The following TMTC2 variants were observed in gnomAD, a reference collection of about 807,000 sequenced individuals.
TMTC2 encodes the protein protein O-mannosyl-transferase TMTC2.
TMTC2 carries 43 observed loss-of-function variants against 82.4 expected under a neutral mutation model. The observed-to-expected ratio is 0.52, with a 90% CI of 0.41 to 0.67. The LOEUF is 0.67. Among genes scored for constraint, TMTC2 ranks in the 30% least tolerant of loss-of-function variants. The pLI is 0.00. For synonymous variants in TMTC2, 408 were observed against 381.9 expected (o/e 1.07, Z -0.80); for missense variants, 919 against 1,012.4 (o/e 0.91, Z 1.25).
chr12:82,937,304 C>A (rs895232327), intron 4 of TMTC2, among the ~76,000 whole-genome samples: 1 of 152,034 alleles, frequency 6.6e-6, no homozygotes, highest in Non-Finnish European at 1.5e-5. Flanking sequence ...GGTTTCTTGG[C>A]AATCTTTAGC....
At chr12:83,063,272 A>G (rs1882806213) in intron 11 of TMTC2, among the ~76,000 whole-genome samples, 1 of 140,828 alleles carries the variant, frequency 7.1e-6, no homozygotes, top group South Asian at 2.4e-4. Context: ...AAGTTATAAA[A>G]TAACCCTCCT....
intron 1 of TMTC2, among the ~76,000 whole-genome samples, chr12:82,786,813 G>A (rs1878199710): frequency 6.6e-6 from 1 of 152,102 alleles, no homozygotes; most frequent in Non-Finnish European, 1.5e-5. Context: ...ACCACTCCAT[G>A]TACTAGGGAT....
chr12:82,725,846 G>A (rs1037839910), intron 1 of TMTC2, among the ~76,000 whole-genome samples: 6 of 152,188 alleles, frequency 3.9e-5, no homozygotes, highest in Admixed American at 3.9e-4. Context: ...GAAAGGAAAT[G>A]TTCGGATTAA....
At chr12:83,048,426 C>G (rs987659504) in intron 9 of TMTC2, among the ~76,000 whole-genome samples, 10 of 151,372 alleles carry the variant, frequency 6.6e-5, no homozygotes, top group Non-Finnish European at 1.0e-4. Flanking sequence ...ATTTTCTAAC[C>G]CAAGAATTAG....
chr12:82,958,854 TA>T (rs1877760577), intron 4 of TMTC2, among the ~76,000 whole-genome samples: 1 of 151,878 alleles, frequency 6.6e-6, no homozygotes, highest in Non-Finnish European at 1.5e-5. Context: ...GAGAAAGAAA[TA>T]AAAGGCCTCC....
At chr12:83,114,255 C>G (rs942292176) in intron 11 of TMTC2, among the ~76,000 whole-genome samples, 1 of 145,568 alleles carries the variant, frequency 6.9e-6, no homozygotes, top group African/African-American at 2.7e-5. Context: ...CGAGTAAATC[C>G]CTTGTAAAAA....
chr12:82,801,283 G>A (rs543600445), intron 1 of TMTC2, among the ~76,000 whole-genome samples: 2 of 152,098 alleles, frequency 1.3e-5, no homozygotes, highest in African/African-American at 2.4e-5. Flanking sequence ...CGGTGGGTTT[G>A]TGGTCTCCCT....
At chr12:83,099,327 A>G (rs1037822819) in intron 11 of TMTC2, among the ~76,000 whole-genome samples, 3 of 152,168 alleles carry the variant, frequency 2.0e-5, no homozygotes, top group Non-Finnish European at 4.4e-5. Flanking sequence ...GAAACAACCC[A>G]TAGGCAAACA....
At chr12:82,884,524 A>C (rs960195148) in intron 2 of TMTC2, among the ~76,000 whole-genome samples, 2 of 152,158 alleles carry the variant, frequency 1.3e-5, no homozygotes, top group African/African-American at 4.8e-5. Context: ...CTTTGCTAGC[A>C]GTTTTCAGCT....
At chr12:82,712,368 T>G (rs573703481) in intron 1 of TMTC2, among the ~76,000 whole-genome samples, 9 of 147,914 alleles carry the variant, frequency 6.1e-5, no homozygotes, top group African/African-American at 2.3e-4. Context: ...AGGTGGAGGT[T>G]GCAGTGAGCC....
At chr12:83,090,547 T>A (rs1216478527) in intron 11 of TMTC2, among the ~76,000 whole-genome samples, 1 of 152,182 alleles carries the variant, frequency 6.6e-6, no homozygotes, top group Non-Finnish European at 1.5e-5. Flanking sequence ...TGGCACCATA[T>A]CTGTCCAGAC....
intron 1 of TMTC2, among the ~76,000 whole-genome samples, chr12:82,831,606 C>G (rs1245478508): frequency 1.3e-5 from 2 of 152,040 alleles, no homozygotes; most frequent in Admixed American, 6.6e-5. Context: ...AGGCCAAACT[C>G]TTTGTTGATG....
chr12:82,832,034 G>A (rs1426253562), intron 1 of TMTC2, among the ~76,000 whole-genome samples: 2 of 152,198 alleles, frequency 1.3e-5, no homozygotes, highest in Non-Finnish European at 2.9e-5. Context: ...TTGATAGAAA[G>A]TGGGTTATAC....
chr12:82,833,213 T>C (rs964532036), intron 1 of TMTC2, among the ~76,000 whole-genome samples: 2 of 152,190 alleles, frequency 1.3e-5, no homozygotes, highest in Admixed American at 6.5e-5. Context: ...ATGGAAAATA[T>C]TTTGTTTTAC....
At chr12:82,748,768 T>A (rs7305855) in intron 1 of TMTC2, among the ~76,000 whole-genome samples, 137,567 of 152,158 alleles carry the variant, frequency 0.9, 63,887 homozygotes, top group Non-Finnish European at 1. Context: ...TCCCAGCTAC[T>A]TGTGAGGCTG....
chr12:82,689,717 G>T (rs993685695), intron 1 of TMTC2, among the ~76,000 whole-genome samples: 2 of 152,190 alleles, frequency 1.3e-5, no homozygotes, highest in Non-Finnish European at 2.9e-5. Context: ...TGCTTTGATG[G>T]TTGGCAGTTG....
chr12:82,765,798 A>G (rs1162384194), intron 1 of TMTC2, among the ~76,000 whole-genome samples: 1 of 152,194 alleles, frequency 6.6e-6, no homozygotes, highest in East Asian at 1.9e-4. Context: ...CTCAAAAAGT[A>G]TTTGTCAGAA....
At chr12:82,892,429 A>C (rs1416843049) in intron 2 of TMTC2, among the ~76,000 whole-genome samples, 1 of 152,200 alleles carries the variant, frequency 6.6e-6, no homozygotes, top group African/African-American at 2.4e-5. Flanking sequence ...CCACATCTGG[A>C]ATCTCAATTT....
chr12:82,724,811 A>T (rs1874372982), intron 1 of TMTC2, among the ~76,000 whole-genome samples: 1 of 152,184 alleles, frequency 6.6e-6, no homozygotes, highest in Non-Finnish European at 1.5e-5. Flanking sequence ...TGTTTCTTAT[A>T]GATAGCAGTA....
Sources: allele counts gnomAD v4.1 joint callset (sites outside exome capture counted in the v4.1 genomes callset), GRCh38; gene constraint gnomAD v4.1.1; transcripts MANE v1.5; gene names NCBI Gene and HGNC (gene_info 2026-07-23, HGNC 2026-07-21).